Variants in CNNM2 observed in about 807,000 individuals in gnomAD.
CNNM2 encodes the protein metal transporter CNNM2.
In CNNM2, 12 loss-of-function variants were observed where a neutral mutation model predicts 66.9. That is an observed-to-expected ratio of 0.18 (90% CI 0.11 to 0.29). The LOEUF (loss-of-function observed/expected upper bound fraction) is 0.29. Ranked by LOEUF, CNNM2 falls within the 10% of genes least tolerant of loss-of-function variation. The probability of loss-of-function intolerance (pLI) is 1.00; values close to 1 mark genes in which losing one functional copy is unlikely to be tolerated. For missense variants in CNNM2, 705 were observed against 1,167.7 expected (o/e 0.60, Z 5.77); for synonymous variants, 557 against 501.8 (o/e 1.11, Z -1.47).
At chr10:103,006,043 A>G (rs537826300) in intron 1 of CNNM2, among the ~76,000 whole-genome samples, 2 of 152,242 alleles carry the variant, frequency 1.3e-5, no homozygotes, top group East Asian at 1.9e-4. Context: ...ACAGTTTAAT[A>G]TATTTCCTTT....
chr10:103,008,166 C>T (rs2064264709), intron 1 of CNNM2, among the ~76,000 whole-genome samples: 1 of 151,484 alleles, frequency 6.6e-6, no homozygotes, highest in Non-Finnish European at 1.5e-5. Flanking sequence ...AAACCAGTTT[C>T]CATGTTTGAT....
At chr10:102,992,359 G>A (rs1293472826) in intron 1 of CNNM2, among the ~76,000 whole-genome samples, 1 of 144,932 alleles carries the variant, frequency 6.9e-6, no homozygotes, top group East Asian at 2.1e-4. Flanking sequence ...TGCAACCTCT[G>A]CCTCCTGGGT....
chr10:103,011,428 G>T (rs1037397006), intron 1 of CNNM2, among the ~76,000 whole-genome samples: 2 of 150,940 alleles, frequency 1.3e-5, no homozygotes, highest in African/African-American at 4.9e-5. Context: ...ATTCCAGCCT[G>T]GGCAACAGAG....
At chr10:103,016,834 C>G (rs755649531) in intron 1 of CNNM2, among the ~76,000 whole-genome samples, 3 of 152,114 alleles carry the variant, frequency 2.0e-5, no homozygotes, top group South Asian at 2.1e-4. Context: ...GGGTGTTACT[C>G]CTCAGACGCT....
intron 1 of CNNM2, among the ~76,000 whole-genome samples, chr10:102,957,202 G>A (rs746257693): frequency 1.8e-4 from 27 of 152,220 alleles, no homozygotes; most frequent in Non-Finnish European, 3.2e-4. Flanking sequence ...CTACTTGGGA[G>A]GCTGAGGCAG....
In CNNM2 at chr10:102,987,212, A is replaced by G. The variant is rs181802696; in HGVS notation, c.1622-62495A>G. On this transcript the variant is annotated intron_variant, in intron 1 of 7. Coordinates refer to ENST00000369878, the MANE Select transcript of CNNM2 (RefSeq NM_017649.5). ...ATTAGAGAACCATAAAGAAAATGAT[A>G]TATTCTAAAGCGGTAGTCCTCAAGG... 5.1e-4 allele frequency among the ~76,000 whole-genome samples: 78 copies of G among 152,294 alleles called. 1 individual carries two copies. Among genetic ancestry groups the G allele is most frequent in the African/African-American group, 1.8e-3 (76 of 41,562 alleles).
chr10:102,957,569 A>C (rs1001429032), intron 1 of CNNM2, among the ~76,000 whole-genome samples: 1 of 152,246 alleles, frequency 6.6e-6, no homozygotes, highest in Non-Finnish European at 1.5e-5. Context: ...TTTAATGTTA[A>C]GAAATCAAAG....
chr10:102,926,875 C>T (rs1443662991), intron 1 of CNNM2, among the ~76,000 whole-genome samples: 14 of 151,928 alleles, frequency 9.2e-5, no homozygotes, highest in Admixed American at 9.2e-4. Flanking sequence ...GCTGCCATGC[C>T]CGGCTAATTT....
intron 1 of CNNM2, among the ~76,000 whole-genome samples, chr10:102,969,402 C>T (rs561886476): frequency 7.9e-5 from 12 of 151,262 alleles, no homozygotes; most frequent in Non-Finnish European, 1.6e-4. Flanking sequence ...TTAGTAGGGA[C>T]GGGGTTTCAC....
Position 103,087,161 on chromosome 10 carries a change from TTTTTTTTTTTTA to T in CNNM2, c.*9982_*9993del. The stretch of plus-strand genomic sequence containing the variant: ...CAGGATTTTTTTTTTTTTTTTTTTT[TTTTTTTTTTTTA>T]AGGAAAAAAGTATACCTTTTAAGTT... On this transcript the variant is annotated 3_prime_UTR_variant, in exon 8 of 8. Coordinates refer to ENST00000369878, the MANE Select transcript of CNNM2 (RefSeq NM_017649.5). The T allele has an allele frequency of 7.0e-6, 1 of 142,834 alleles. No individual in the cohort carries two copies. 8.8% of individuals were successfully genotyped at this position (142,834 alleles called of 1,614,324 possible). A position where few individuals can be genotyped will look rare whatever the true frequency, so the allele number is the denominator to read the frequency against.
At chr10:102,949,914 A>T (rs1435726344) in intron 1 of CNNM2, among the ~76,000 whole-genome samples, 1 of 152,244 alleles carries the variant, frequency 6.6e-6, no homozygotes, top group Non-Finnish European at 1.5e-5. Flanking sequence ...GTAAAGTCAC[A>T]GTTTACCAAT....
At chr10:103,071,937 C>A in intron 6 of CNNM2, 98 bp downstream of exon 6, 1 of 1,031,978 alleles carries the variant, frequency 9.7e-7, no homozygotes, top group Non-Finnish European at 1.5e-6. Flanking sequence ...CCTGGACAGG[C>A]TGTTTTCAGT....
rs1467806831 is a variant in CNNM2, at chr10:103,087,812, A to G, written c.*10632A>G. 2 of 152,246 alleles carry G rather than the reference A, an allele frequency of 1.3e-5. No homozygotes were observed. The highest frequency in any genetic ancestry group is 1.3e-4 in the Admixed American group (2 of 15,288). 9.4% of individuals were successfully genotyped at this position (152,246 alleles called of 1,614,324 possible). A position where few individuals can be genotyped will look rare whatever the true frequency, so the allele number is the denominator to read the frequency against. On this transcript the variant is annotated 3_prime_UTR_variant, in exon 8 of 8. Coordinates refer to ENST00000369878, the MANE Select transcript of CNNM2 (RefSeq NM_017649.5). ...TTAAAGGGGCATATATTCCCAATAT[A>G]TACCATTTAGAATGTATGTATGTTT...
intron 1 of CNNM2, among the ~76,000 whole-genome samples, chr10:102,967,455 G>A (rs1335875327): frequency 6.6e-6 from 1 of 152,122 alleles, no homozygotes; most frequent in East Asian, 1.9e-4. Context: ...CCAGCCTCTG[G>A]CAAACACTGT....
intron 1 of CNNM2, among the ~76,000 whole-genome samples, chr10:102,964,488 G>A (rs959371222): frequency 1.3e-5 from 2 of 152,206 alleles, no homozygotes; most frequent in African/African-American, 2.4e-5. Flanking sequence ...TTCGGCCTCC[G>A]AAAGAGCTGG....
At chr10:103,046,281 G>C (rs2065125856) in intron 1 of CNNM2, among the ~76,000 whole-genome samples, 1 of 152,194 alleles carries the variant, frequency 6.6e-6, no homozygotes, top group Non-Finnish European at 1.5e-5. Flanking sequence ...TTCGACTCAT[G>C]TTCTTCCCTT....
At chr10:103,057,113 A>G (rs2065308170) in intron 4 of CNNM2, 149 bp downstream of exon 4, 1 of 746,790 alleles carries the variant, frequency 1.3e-6, no homozygotes, top group Admixed American at 2.6e-5. Context: ...CTGTTTTCAT[A>G]TCTGTAAAGT....
intron 1 of CNNM2, among the ~76,000 whole-genome samples, chr10:103,003,429 T>C (rs1564840806): frequency 6.6e-6 from 1 of 152,186 alleles, no homozygotes; most frequent in South Asian, 2.1e-4. Context: ...TCTAGTACTT[T>C]TTTAAGTGAA....
chr10:102,922,520 T>C (rs971880412), intron 1 of CNNM2, among the ~76,000 whole-genome samples: 2 of 152,216 alleles, frequency 1.3e-5, no homozygotes, highest in Non-Finnish European at 2.9e-5. Flanking sequence ...TTGAAGACTT[T>C]TTCTTCCTCT....
Sources: allele counts gnomAD v4.1 joint callset (sites outside exome capture counted in the v4.1 genomes callset), GRCh38; gene constraint gnomAD v4.1.1; transcripts MANE v1.5; gene names NCBI Gene and HGNC (gene_info 2026-07-23, HGNC 2026-07-21).